The following RNF216 variants were observed in gnomAD, a reference collection of about 807,000 sequenced individuals.
The protein encoded by RNF216 is ring finger protein 216, also known as E3 ubiquitin-protein ligase RNF216.
A neutral mutation model predicts 110.8 loss-of-function variants in RNF216; 72 were observed. The observed-to-expected ratio is 0.65, with a 90% CI of 0.54 to 0.79. RNF216 has a LOEUF of 0.79. RNF216 is among the 30% of genes least tolerant of loss of function. The probability of loss-of-function intolerance (pLI) is 0.00; values close to 1 mark genes in which losing one functional copy is unlikely to be tolerated. For synonymous variants in RNF216, 495 were observed against 407.5 expected, an observed-to-expected ratio of 1.21 and a Z score of -2.59; for missense variants, 1,342 against 1,141.2, an observed-to-expected ratio of 1.18 and a Z score of -2.54.
intron 13 of RNF216, among the ~76,000 whole-genome samples, chr7:5,686,987 G>A (rs1791027548): frequency 6.6e-6 from 1 of 152,158 alleles, no homozygotes; most frequent in Admixed American, 6.5e-5. Context: ...CTGGGGATGG[G>A]GACTGGGGAT....
intron 15 of RNF216, among the ~76,000 whole-genome samples, chr7:5,640,140 C>T (rs10247769): frequency 0.055 from 8,360 of 151,654 alleles, 777 homozygotes; most frequent in African/African-American, 0.19. Context: ...TCCAGCGATC[C>T]GCCCACCTTG....
chr7:5,648,064 C>A (rs2128573073), intron 14 of RNF216, among the ~76,000 whole-genome samples: 1 of 152,046 alleles, frequency 6.6e-6, no homozygotes, highest in East Asian at 1.9e-4. Context: ...GAAATGTTCT[C>A]ACCAAAAACC....
At chr7:5,634,775 G>A (rs1440704723) in intron 15 of RNF216, among the ~76,000 whole-genome samples, 1 of 152,240 alleles carries the variant, frequency 6.6e-6, no homozygotes, top group Admixed American at 6.5e-5. Context: ...GGTGGGATCT[G>A]CTGAAGACAT....
chr7:5,646,583 C>G (rs772054033), intron 14 of RNF216, among the ~76,000 whole-genome samples: 28 of 151,696 alleles, frequency 1.8e-4, no homozygotes, highest in Non-Finnish European at 3.5e-4. Context: ...GTCCCAGCCA[C>G]TCAGGAGGCT....
chr7:5,663,779 T>C (rs1279740509), intron 13 of RNF216, among the ~76,000 whole-genome samples: 1 of 151,642 alleles, frequency 6.6e-6, no homozygotes, highest in Admixed American at 6.6e-5. Context: ...ACGCCTGTAG[T>C]CCCAGCTACT....
intron 1 of RNF216, among the ~76,000 whole-genome samples, chr7:5,768,502 G>A (rs1201006965): frequency 6.6e-6 from 1 of 151,940 alleles, no homozygotes; most frequent in Non-Finnish European, 1.5e-5. Flanking sequence ...TCCAGTAACT[G>A]CAGAATACAC....
chr7:5,703,748 G>A (rs755073252), intron 13 of RNF216, among the ~76,000 whole-genome samples: 52 of 152,340 alleles, frequency 3.4e-4, no homozygotes, highest in Non-Finnish European at 5.9e-4. Flanking sequence ...CAGTTACTCT[G>A]ATTAAACTCT....
At chr7:5,780,487 A>T (rs1054216345) in intron 1 of RNF216, among the ~76,000 whole-genome samples, 1 of 152,154 alleles carries the variant, frequency 6.6e-6, no homozygotes, top group Admixed American at 6.5e-5. Context: ...ACCTGAGGTC[A>T]GACGTTAGAG....
intron 13 of RNF216, among the ~76,000 whole-genome samples, chr7:5,659,019 A>T (rs985965507): frequency 6.6e-6 from 1 of 152,182 alleles, no homozygotes; most frequent in Admixed American, 6.5e-5. Flanking sequence ...GGAAGAGTCT[A>T]TGAAAGAGAT....
At chr7:5,635,387 TG>T (rs1230850153) in intron 15 of RNF216, among the ~76,000 whole-genome samples, 1 of 151,804 alleles carries the variant, frequency 6.6e-6, no homozygotes, top group Admixed American at 6.6e-5. Context: ...TGGGACAATC[TG>T]GGGGCTCACT....
intron 3 of RNF216, among the ~76,000 whole-genome samples, chr7:5,748,851 G>A (rs1004688089): frequency 6.6e-6 from 1 of 152,104 alleles, no homozygotes; most frequent in Admixed American, 6.5e-5. Flanking sequence ...TAACCACCAT[G>A]TTGTTCAAGT....
chr7:5,768,447 G>A (rs1427942124), intron 1 of RNF216, among the ~76,000 whole-genome samples: 3 of 147,804 alleles, frequency 2.0e-5, no homozygotes, highest in African/African-American at 7.5e-5. Context: ...TAGCTGGATA[G>A]ACTTGAACAG....
intron 15 of RNF216, among the ~76,000 whole-genome samples, chr7:5,637,608 G>A (rs1036375772): frequency 1.3e-5 from 2 of 152,110 alleles, no homozygotes; most frequent in East Asian, 1.9e-4. Context: ...GTGTAGTGGC[G>A]CAGTCAGGGC....
chr7:5,729,214 T>C (rs1376248846), intron 7 of RNF216, among the ~76,000 whole-genome samples: 6 of 152,232 alleles, frequency 3.9e-5, no homozygotes. Context: ...TCCATGTTTT[T>C]ACGGTCAAAG....
intron 14 of RNF216, among the ~76,000 whole-genome samples, chr7:5,646,891 G>C (rs1030313139): frequency 6.6e-6 from 1 of 152,044 alleles, no homozygotes; most frequent in Admixed American, 6.6e-5. Context: ...TAGTTTTTGA[G>C]TTCCTGTTAA....
chr7:5,711,638 A>G lies in RNF216; in HGVS notation c.2061+123T>C. ...GTACTCGTCCTCATTTGCTTATGAA[A>G]AGGAAAGCACTCAAATCCTTCTTAT... On this transcript the variant is annotated intron_variant, in intron 13 of 16. Coordinates refer to ENST00000389902, the MANE Select transcript of RNF216 (RefSeq NM_207111.4). 6.5e-6 allele frequency: 5 copies of G among 769,002 alleles called. No homozygotes were observed. The South Asian group carries it at 8.1e-5, about 12-fold the overall frequency. 47.6% of individuals were successfully genotyped at this position (769,002 alleles called of 1,614,324 possible).
At chr7:5,725,282 A>C in intron 8 of RNF216, 42 bp downstream of exon 8, 2 of 1,129,650 alleles carry the variant, frequency 1.8e-6, no homozygotes, top group Non-Finnish European at 2.7e-6. Context: ...GAAAAGGTAC[A>C]GTGTTGCAGC....
At chr7:5,717,217 G>C (rs989533776) in intron 9 of RNF216, among the ~76,000 whole-genome samples, 2 of 152,140 alleles carry the variant, frequency 1.3e-5, no homozygotes, top group African/African-American at 4.8e-5. Context: ...GCTGGGCATG[G>C]TGGCGTGCAC....
chr7:5,651,498 C>T (rs1427429698), intron 14 of RNF216, among the ~76,000 whole-genome samples: 1 of 152,102 alleles, frequency 6.6e-6, no homozygotes, highest in African/African-American at 2.4e-5. Context: ...TCCCAAAATG[C>T]CAGGATTACA....
Sources: gnomAD v4.1 joint callset for allele counts (sites outside exome capture counted in the v4.1 genomes callset) on GRCh38, gnomAD v4.1.1 for gene constraint, MANE v1.5 for transcripts, NCBI Gene and HGNC (gene_info 2026-07-23, HGNC 2026-07-21) for gene names.